The following NRXN1 variants were observed in gnomAD, a reference collection of about 807,000 sequenced individuals.
NRXN1 encodes neurexin-1.
NRXN1 carries 39 observed loss-of-function variants against 150.9 expected under a neutral mutation model. The ratio of observed to expected loss-of-function variants is 0.26; its 90% CI spans 0.20 to 0.34. The LOEUF (loss-of-function observed/expected upper bound fraction) is 0.34, where lower values mean the gene tolerates loss of function less well. Among genes scored for constraint, NRXN1 ranks in the 10% least tolerant of loss-of-function variants. NRXN1 has a pLI of 1.00. For missense variants in NRXN1, 1,815 were observed against 1,949.9 expected (o/e 0.93, Z 1.30); for synonymous variants, 924 against 757.0 (o/e 1.22, Z -3.62).
At chr2:50,172,652 T>C (rs1419718006) in intron 18 of NRXN1, among the ~76,000 whole-genome samples, 2 of 152,220 alleles carry the variant, frequency 1.3e-5, no homozygotes, top group East Asian at 1.9e-4. Flanking sequence ...ATTCATTTTT[T>C]AGCCTTTGAT....
intron 5 of NRXN1, among the ~76,000 whole-genome samples, chr2:50,769,628 G>A (rs1207114554): frequency 1.3e-5 from 2 of 151,934 alleles, no homozygotes; most frequent in African/African-American, 2.4e-5. Flanking sequence ...GCCTGGAAAC[G>A]GCCTGATTAC....
At chr2:50,562,295 TATAG>T (rs1316389965) in intron 8 of NRXN1, among the ~76,000 whole-genome samples, 30 of 151,704 alleles carry the variant, frequency 2.0e-4, no homozygotes, top group African/African-American at 7.3e-4. Flanking sequence ...ATGCATGTAT[TATAG>T]ATAGATTAGA....
At chr2:50,724,116 G>A (rs1360346885) in intron 5 of NRXN1, among the ~76,000 whole-genome samples, 4 of 152,064 alleles carry the variant, frequency 2.6e-5, no homozygotes, top group Admixed American at 2.6e-4. Context: ...TTAATCATAA[G>A]ATCCTCTAGG....
intron 2 of NRXN1, chr2:50,979,165 T>C: frequency 2.1e-6 from 1 of 477,190 alleles, no homozygotes; most frequent in Non-Finnish European, 4.1e-6. Flanking sequence ...ACACATAACT[T>C]ACATGGTCAT....
chr2:50,907,274 A>G (rs146132990), intron 5 of NRXN1, among the ~76,000 whole-genome samples: 2 of 151,844 alleles, frequency 1.3e-5, no homozygotes, highest in Admixed American at 1.3e-4. Flanking sequence ...GTCCAATCAC[A>G]TTTCTACATG....
intron 18 of NRXN1, among the ~76,000 whole-genome samples, chr2:50,103,383 G>A (rs1362288318): frequency 6.6e-6 from 1 of 151,916 alleles, no homozygotes; most frequent in Non-Finnish European, 1.5e-5. Context: ...GGTTTTTCAA[G>A]TACCCTCCTT....
intron 22 of NRXN1, among the ~76,000 whole-genome samples, chr2:49,936,276 A>G (rs1196947663): frequency 6.6e-6 from 1 of 152,232 alleles, no homozygotes; most frequent in Non-Finnish European, 1.5e-5. Flanking sequence ...ACTCTGTCTA[A>G]TACCTAAAGA....
At chr2:50,675,287 T>C (rs1689394183) in intron 5 of NRXN1, among the ~76,000 whole-genome samples, 1 of 152,130 alleles carries the variant, frequency 6.6e-6, no homozygotes, top group African/African-American at 2.4e-5. Flanking sequence ...TAAATGCTAT[T>C]TGTGAATCAA....
intron 5 of NRXN1, among the ~76,000 whole-genome samples, chr2:50,722,470 G>A (rs560734168): frequency 6.6e-6 from 1 of 152,254 alleles, no homozygotes; most frequent in South Asian, 2.1e-4. Context: ...TCATATTGCA[G>A]CAGAATATTT....
intron 17 of NRXN1, among the ~76,000 whole-genome samples, chr2:50,296,855 C>T (rs989002453): frequency 4.7e-5 from 7 of 149,246 alleles, no homozygotes; most frequent in Non-Finnish European, 8.9e-5. Context: ...ATCTATGTTG[C>T]TGTAAAAGAC....
Position 50,381,645 on chromosome 2 carries a change from G to A in NRXN1, c.3364+83797C>T, listed in dbSNP as rs79715655. ...TCCAAGAGAGTAATGCACATCAGAA[G>A]AAACTAGCTCCAGATACTATTAGGT... On this transcript the variant is annotated intron_variant, in intron 17 of 22. Coordinates refer to ENST00000401669, the MANE Select transcript of NRXN1 (RefSeq NM_001330078.2). Among the ~76,000 whole-genome samples the A allele has an allele frequency of 6.9e-3, 1,041 of 151,212 alleles. 16 individuals carry two copies. Among genetic ancestry groups the A allele is most frequent in the African/African-American group, 0.024 (1,004 of 41,216 alleles).
chr2:50,357,834 C>A, intron 17 of NRXN1, among the ~76,000 whole-genome samples: 1 of 152,166 alleles, frequency 6.6e-6, no homozygotes, highest in Non-Finnish European at 1.5e-5. Context: ...CCTAGCAAGA[C>A]CAATTCAGAA....
At chr2:50,509,881 G>A (rs2092383729) in intron 12 of NRXN1, among the ~76,000 whole-genome samples, 1 of 152,106 alleles carries the variant, frequency 6.6e-6, no homozygotes, top group South Asian at 2.1e-4. Context: ...AGAAGGTGGG[G>A]CCTTCAAGAT....
chr2:50,048,426 C>T (rs1465476375), intron 21 of NRXN1, among the ~76,000 whole-genome samples: 1 of 152,034 alleles, frequency 6.6e-6, no homozygotes, highest in Non-Finnish European at 1.5e-5. Flanking sequence ...AGCAAAGTTA[C>T]AGCTAAGGTT....
chr2:49,959,793 A>G (rs573363483), intron 21 of NRXN1, among the ~76,000 whole-genome samples: 2 of 152,322 alleles, frequency 1.3e-5, no homozygotes, highest in South Asian at 4.1e-4. Flanking sequence ...TTATTTTATA[A>G]GACATACATA....
intron 5 of NRXN1, among the ~76,000 whole-genome samples, chr2:50,801,730 T>A (rs1707627708): frequency 6.6e-6 from 1 of 152,190 alleles, no homozygotes; most frequent in South Asian, 2.1e-4. Flanking sequence ...GTATTTTCAT[T>A]ATTTCAAGGC....
chr2:50,764,167 T>C (rs1702134330), intron 5 of NRXN1, among the ~76,000 whole-genome samples: 1 of 151,876 alleles, frequency 6.6e-6, no homozygotes, highest in Non-Finnish European at 1.5e-5. Context: ...TCCCCCTCTC[T>C]ATCATATATA....
At chr2:50,109,866 T>C (rs1444714011) in intron 18 of NRXN1, among the ~76,000 whole-genome samples, 1 of 152,198 alleles carries the variant, frequency 6.6e-6, no homozygotes, top group East Asian at 1.9e-4. Flanking sequence ...CAAAATGATG[T>C]TTCCTCGGTT....
At chr2:50,577,054 C>G (rs984660884) in intron 8 of NRXN1, among the ~76,000 whole-genome samples, 3 of 152,044 alleles carry the variant, frequency 2.0e-5, no homozygotes, top group Non-Finnish European at 4.4e-5. Flanking sequence ...AAGTGATAGA[C>G]TGCTACTATT....
Sources: gnomAD v4.1 joint callset for allele counts (sites outside exome capture counted in the v4.1 genomes callset) on GRCh38, gnomAD v4.1.1 for gene constraint, MANE v1.5 for transcripts, NCBI Gene and HGNC (gene_info 2026-07-23, HGNC 2026-07-21) for gene names.